Variants in WNK1 observed in about 807,000 individuals in gnomAD.
The protein encoded by WNK1 is serine/threonine-protein kinase WNK1.
Under a neutral mutation model 222.8 loss-of-function variants are expected in WNK1, and 38 were observed. That is an observed-to-expected ratio of 0.17 (90% CI 0.13 to 0.22). The LOEUF is 0.22. Ranked by LOEUF, WNK1 falls within the 10% of genes least tolerant of loss-of-function variation. WNK1 has a pLI of 1.00. For missense variants in WNK1, 2,348 were observed against 2,918.4 expected (o/e 0.80, Z 4.50); for synonymous variants, 1,090 against 1,092.9 (o/e 1.00, Z 0.05).
chr12:807,941 G>A (rs997205367), intron 1 of WNK1, among the ~76,000 whole-genome samples: 1 of 151,856 alleles, frequency 6.6e-6, no homozygotes, highest in African/African-American at 2.4e-5. Flanking sequence ...GGATGGTCTC[G>A]ATCTCCTGAC....
In WNK1 at chr12:884,805, C is replaced by CAGT; in HGVS notation, c.4006_4008dup (p.Val1336dup). On this transcript the variant is annotated inframe_insertion, in exon 19 of 28. Coordinates refer to ENST00000315939, the MANE Select transcript of WNK1 (RefSeq NM_018979.4). The surrounding 1 kb of genome is among the most constrained non-coding windows in gnomAD (Gnocchi z 5.6). ...TTTAGTCATACAGGACCAACATTTC[C>CAGT]AGTAGTACCTCCTTTCTTAAGTAGC... The CAGT allele has an allele frequency of 6.2e-7, 1 of 1,614,196 alleles. No individual in the cohort carries two copies. Among genetic ancestry groups the CAGT allele is most frequent in the South Asian group, 1.1e-5 (1 of 91,082 alleles).
At chr12:880,670 A>G in intron 11 of WNK1, 51 bp from the exon 12 acceptor site, 2 of 1,593,748 alleles carry the variant, frequency 1.3e-6, no homozygotes. Context: ...TGTTTTGCTA[A>G]TTTATTGACC....
rs757505788 is a variant in WNK1 at position 754,306 on chromosome 12, C to A, written c.741C>A (p.Val247=). The A allele has an allele frequency of 1.9e-6, 3 of 1,613,446 alleles. No homozygotes were observed. Among genetic ancestry groups the A allele is most frequent in the East Asian group, 2.2e-5 (1 of 44,892 alleles). Residue 247 remains valine, a synonymous_variant, in exon 1 of 28, where the codon GTC becomes GTA. Transcript: ENST00000315939. ...TGGACACTGAAACCACCGTGGAAGT[C>A]GCCTGGTGTGAACTGCAGGTAAAGC... The part of the protein sequence containing the change: ...KGLDTETTVE[V]AWCELQDRKL...
Position 885,687 on chromosome 12 carries a change from C to T in WNK1, c.4883C>T (p.Pro1628Leu). ...IHSQPQPALL[P>L]NQPHTHCPEV... ...AGTCAGCCTCAACCAGCTTTGCTTC[C>T]CAACCAGCCCCATACTCATTGTCCT... The change falls in exon 19 of 28, where the codon CCC (proline) becomes CTC (leucine). Residue 1628 changes from proline to leucine, a missense_variant. By Grantham distance (98) the Pro-to-Leu change is moderately conservative. Transcript: ENST00000315939. 1 of 1,614,150 alleles carries T rather than the reference C, an allele frequency of 6.2e-7. No homozygotes were observed. Among genetic ancestry groups the T allele is most frequent in the Non-Finnish European group, 8.5e-7 (1 of 1,180,020 alleles).
At chr12:789,530 ACTC>A (rs1944642379) in intron 1 of WNK1, among the ~76,000 whole-genome samples, 1 of 131,048 alleles carries the variant, frequency 7.6e-6, no homozygotes, top group African/African-American at 2.8e-5. Flanking sequence ...GTGTGGTTAT[ACTC>A]CTTTTTTTTT....
At chr12:836,058 C>A (rs1177420674) in intron 4 of WNK1, among the ~76,000 whole-genome samples, 1 of 152,112 alleles carries the variant, frequency 6.6e-6, no homozygotes, top group Non-Finnish European at 1.5e-5. Flanking sequence ...TACAGCACAG[C>A]AAATTCAATC....
At chr12:855,679 C>A (rs1299194987) in intron 4 of WNK1, among the ~76,000 whole-genome samples, 1 of 152,170 alleles carries the variant, frequency 6.6e-6, no homozygotes, top group East Asian at 1.9e-4. Context: ...TACAGTGCCA[C>A]TTGAACAGCA....
At chr12:833,885 A>G (rs1377548921) in intron 4 of WNK1, among the ~76,000 whole-genome samples, 1 of 152,184 alleles carries the variant, frequency 6.6e-6, no homozygotes, top group Admixed American at 6.5e-5. Context: ...GATACTAAGT[A>G]AAGGTGAATA....
chr12:831,721 CTT>C (rs1322753671), intron 4 of WNK1, among the ~76,000 whole-genome samples: 2 of 151,248 alleles, frequency 1.3e-5, no homozygotes. Flanking sequence ...CATTTTTAAA[CTT>C]TCTCAGGTTT....
intron 4 of WNK1, among the ~76,000 whole-genome samples, chr12:853,774 A>AG (rs1330334636): frequency 6.6e-6 from 1 of 151,984 alleles, no homozygotes; most frequent in Non-Finnish European, 1.5e-5. Context: ...TTTTTGAGAC[A>AG]GGGTCTCACT....
chr12:865,479 G>T, intron 8 of WNK1: 1 of 1,339,008 alleles, frequency 7.5e-7, no homozygotes, highest in Non-Finnish European at 9.9e-7. Flanking sequence ...GTTATATTAT[G>T]CTTCTAGGAT....
At chr12:769,776 T>G (rs901120613) in intron 1 of WNK1, among the ~76,000 whole-genome samples, 8 of 152,144 alleles carry the variant, frequency 5.3e-5, no homozygotes, top group African/African-American at 1.9e-4. Context: ...GAAGTTTATT[T>G]CCTCGCAGTT....
At chr12:865,151 T>TCTG in intron 8 of WNK1, 1 of 1,533,318 alleles carries the variant, frequency 6.5e-7, no homozygotes, top group South Asian at 1.2e-5. Context: ...TTCCCATCTT[T>TCTG]CTGCTGTTGC....
At chr12:798,192 CTT>C (rs112573663) in intron 1 of WNK1, among the ~76,000 whole-genome samples, 1 of 143,328 alleles carries the variant, frequency 7.0e-6, no homozygotes. Context: ...ATTGCATTTT[CTT>C]TTTTTTTTTG....
At position 785,503 on chromosome 12, in the gene WNK1, C is replaced by T. The variant is rs990823010; in HGVS notation, c.760-28139C>T. ...GCAGCCTCCACCTCCCAGGTTCAAG[C>T]AGTTCTGCCTCAGCCTCCCGAGTAG... On this transcript the variant is annotated intron_variant, in intron 1 of 27. Transcript: ENST00000315939. Among the ~76,000 whole-genome samples the T allele has an allele frequency of 2.1e-5, 3 of 142,920 alleles. No individual in the cohort carries two copies. The Admixed American group carries it at 2.3e-4, about 11-fold the overall frequency. 93.8% of individuals were successfully genotyped at this position (142,920 alleles called of 152,430 possible).
rs529657084 is a variant in WNK1, at chr12:768,136, T to G, written c.759+13812T>G. ...GTTGCATTGTATCAGGTTTTTTTTG[T>G]TCGTTTGTTTTTGAGGCAGAGTCTC... On this transcript the variant is annotated intron_variant, in intron 1 of 27. Transcript: ENST00000315939. 1.1e-4 allele frequency among the ~76,000 whole-genome samples: 16 copies of G among 152,208 alleles called. No homozygotes were observed. The East Asian group carries it at 2.9e-3, about 28-fold the overall frequency.
intron 1 of WNK1, among the ~76,000 whole-genome samples, chr12:802,084 A>C (rs1428938015): frequency 6.6e-6 from 1 of 152,178 alleles, no homozygotes; most frequent in Non-Finnish European, 1.5e-5. Context: ...TGGGAAACTG[A>C]TAATGTACAT....
chr12:794,539 C>T (rs867633995), intron 1 of WNK1, among the ~76,000 whole-genome samples: 21 of 148,218 alleles, frequency 1.4e-4, no homozygotes, highest in Non-Finnish European at 2.1e-4. Flanking sequence ...TGTTGGACTT[C>T]GGTGCTTTTT....
intron 1 of WNK1, among the ~76,000 whole-genome samples, chr12:797,704 C>T (rs150797505): frequency 5.3e-5 from 8 of 151,992 alleles, no homozygotes; most frequent in African/African-American, 1.9e-4. Context: ...CCAGCACTTT[C>T]GGAGGCCGAG....
Sources: allele counts gnomAD v4.1 joint callset (sites outside exome capture counted in the v4.1 genomes callset), GRCh38; gene constraint gnomAD v4.1.1; non-coding constraint Gnocchi (gnomAD v3.1); transcripts MANE v1.5; gene names NCBI Gene and HGNC (gene_info 2026-07-23, HGNC 2026-07-21).